EDIL3: variants seen among roughly 807,000 people sequenced by gnomAD.
The protein encoded by EDIL3 is EGF like and discoidin domains 3.
Under a neutral mutation model 67.4 loss-of-function variants are expected in EDIL3, and 37 were observed. The observed-to-expected ratio is 0.55, with a 90% CI of 0.42 to 0.72. EDIL3 has a LOEUF of 0.72. Among genes scored for constraint, EDIL3 ranks in the 30% least tolerant of loss-of-function variants. The pLI is 0.00. For synonymous variants in EDIL3, 195 were observed against 196.3 expected, an observed-to-expected ratio of 0.99 and a Z score of 0.05; for missense variants, 527 against 586.3, an observed-to-expected ratio of 0.90 and a Z score of 1.04.
chr5:84,142,829 CCA>C (rs1748224940), intron 4 of EDIL3, among the ~76,000 whole-genome samples: 1 of 145,652 alleles, frequency 6.9e-6, no homozygotes, highest in African/African-American at 2.5e-5. Context: ...GCCCCCCCCC[CCA>C]AGCTTTTTTT....
intron 2 of EDIL3, among the ~76,000 whole-genome samples, chr5:84,230,634 T>G (rs948038045): frequency 6.6e-6 from 1 of 152,176 alleles, no homozygotes; most frequent in African/African-American, 2.4e-5. Flanking sequence ...CTTGAACTCC[T>G]GACCTCAGGT....
chr5:84,011,094 T>C (rs1343039684), intron 9 of EDIL3, among the ~76,000 whole-genome samples: 2 of 152,212 alleles, frequency 1.3e-5, no homozygotes, highest in African/African-American at 4.8e-5. Flanking sequence ...TATAGCATAC[T>C]GTGTTATCTA....
At chr5:84,366,211 C>T (rs1322063271) in intron 1 of EDIL3, among the ~76,000 whole-genome samples, 1 of 152,106 alleles carries the variant, frequency 6.6e-6, no homozygotes, top group African/African-American at 2.4e-5. Flanking sequence ...AAGTATTGTG[C>T]TACAGCACTG....
intron 2 of EDIL3, among the ~76,000 whole-genome samples, chr5:84,247,787 A>C (rs1744939196): frequency 6.6e-6 from 1 of 152,162 alleles, no homozygotes; most frequent in Admixed American, 6.5e-5. Context: ...CTATACATAT[A>C]TATATTTGGA....
chr5:84,203,763 C>T (rs912019878), intron 3 of EDIL3, among the ~76,000 whole-genome samples: 4 of 152,134 alleles, frequency 2.6e-5, no homozygotes, highest in Admixed American at 6.6e-5. Context: ...ATACTCTTTA[C>T]TTTTAGAAAA....
chr5:84,324,940 C>T (rs760389531), intron 1 of EDIL3, among the ~76,000 whole-genome samples: 1 of 145,220 alleles, frequency 6.9e-6, no homozygotes, highest in Non-Finnish European at 1.5e-5. Flanking sequence ...AAAAAAAAAT[C>T]CCTGGTGTCT....
intron 1 of EDIL3, among the ~76,000 whole-genome samples, chr5:84,309,216 G>A (rs1320130826): frequency 6.7e-6 from 1 of 150,002 alleles, no homozygotes; most frequent in East Asian, 2.0e-4. Flanking sequence ...TTTTCTTTTT[G>A]TAATTAATTG....
At chr5:84,273,630 C>T (rs1745517820) in intron 1 of EDIL3, among the ~76,000 whole-genome samples, 1 of 152,148 alleles carries the variant, frequency 6.6e-6, no homozygotes, top group East Asian at 1.9e-4. Context: ...CACAGCATTG[C>T]CACAGTGGCC....
chr5:84,097,738 C>T (rs1183746478), intron 6 of EDIL3, among the ~76,000 whole-genome samples: 5 of 151,548 alleles, frequency 3.3e-5, no homozygotes, highest in African/African-American at 4.8e-5. Context: ...CACACATAAA[C>T]ACATATATAT....
intron 9 of EDIL3, among the ~76,000 whole-genome samples, chr5:84,041,877 A>G (rs532180312): frequency 2.0e-4 from 30 of 152,104 alleles, no homozygotes; most frequent in African/African-American, 7.2e-4. Context: ...AAAACCCTAC[A>G]GTGCTTTTTC....
At position 84,369,233 on chromosome 5, in the gene EDIL3, CATACACACACATATAAAT is replaced by C. The variant is rs1217464275; in HGVS notation, c.67+15057_67+15074del. ...TATATGTATATATAATATATATAAA[CATACACACACATATAAAT>C]ATACACACACATATAAATATACACA... On this transcript the variant is annotated intron_variant, in intron 1 of 10. Transcript: ENST00000296591. Among the ~76,000 whole-genome samples, 526 of 150,512 alleles carry C rather than the reference CATACACACACATATAAAT, an allele frequency of 3.5e-3. 2 individuals carry two copies. Among genetic ancestry groups the C allele is most frequent in the African/African-American group, 0.011 (473 of 41,208 alleles).
rs1745393806 is a variant in EDIL3 at position 84,268,397 on chromosome 5, T to C, written c.68-14185A>G. On this transcript the variant is annotated intron_variant, in intron 1 of 10. Transcript: ENST00000296591. ...CCATGTTATGCTTAGAAAAATAAGA[T>C]TATAACCATTTACACGAGAGTAAAA... Among the ~76,000 whole-genome samples, 3 of 152,116 alleles carry C rather than the reference T, an allele frequency of 2.0e-5. No individual in the cohort carries two copies. The South Asian group carries it at 6.2e-4, about 32-fold the overall frequency.
chr5:84,288,585 C>T (rs997063922), intron 1 of EDIL3, among the ~76,000 whole-genome samples: 1 of 152,116 alleles, frequency 6.6e-6, no homozygotes, highest in African/African-American at 2.4e-5. Flanking sequence ...ACTCAGAGGG[C>T]TTCACATCGT....
At chr5:84,012,076 GTT>G (rs1411877785) in intron 9 of EDIL3, among the ~76,000 whole-genome samples, 1 of 152,112 alleles carries the variant, frequency 6.6e-6, no homozygotes, top group Non-Finnish European at 1.5e-5. Flanking sequence ...CTCAATAAAT[GTT>G]TGTTGAATAA....
At chr5:83,978,442 C>T (rs1168501743) in intron 9 of EDIL3, among the ~76,000 whole-genome samples, 3 of 151,936 alleles carry the variant, frequency 2.0e-5, no homozygotes, top group South Asian at 4.1e-4. Context: ...AAAGTCAGCA[C>T]ATTTAAAAAC....
intron 1 of EDIL3, among the ~76,000 whole-genome samples, chr5:84,279,168 T>G (rs1745648637): frequency 6.6e-6 from 1 of 152,194 alleles, no homozygotes; most frequent in African/African-American, 2.4e-5. Flanking sequence ...GAAAATTTAT[T>G]CGAAGGCTGC....
intron 2 of EDIL3, among the ~76,000 whole-genome samples, chr5:84,237,500 T>C (rs1398923914): frequency 6.6e-6 from 1 of 152,144 alleles, no homozygotes; most frequent in Non-Finnish European, 1.5e-5. Flanking sequence ...AAGCAGAATT[T>C]TGAAGTAAAT....
At chr5:84,379,944 T>G (rs752789361) in intron 1 of EDIL3, among the ~76,000 whole-genome samples, 11 of 152,046 alleles carry the variant, frequency 7.2e-5, no homozygotes, top group African/African-American at 1.2e-4. Flanking sequence ...CATCTGCTGG[T>G]GAGGGCACAG....
intron 10 of EDIL3, among the ~76,000 whole-genome samples, chr5:83,949,276 G>A (rs557529079): frequency 1.3e-5 from 2 of 151,772 alleles, no homozygotes; most frequent in East Asian, 3.9e-4. Context: ...ACCCTCCAAA[G>A]CTGAAATAAG....
Sources: allele counts gnomAD v4.1 joint callset (sites outside exome capture counted in the v4.1 genomes callset), GRCh38; gene constraint gnomAD v4.1.1; transcripts MANE v1.5; gene names NCBI Gene and HGNC (gene_info 2026-07-23, HGNC 2026-07-21).